The following GNAS-AS1 variants were observed in gnomAD, a reference collection of about 807,000 sequenced individuals.
The protein encoded by GNAS-AS1 is GNAS antisense RNA 1 (non-protein coding).
chr20:58,841,635 T>A lies in GNAS-AS1; in HGVS notation n.819+302A>T. 1 of 1,087,476 alleles carries A rather than the reference T, an allele frequency of 9.2e-7. No homozygotes were observed. Among genetic ancestry groups the A allele is most frequent in the Non-Finnish European group, 1.1e-6 (1 of 896,172 alleles). The allele number at this position is 1,087,476 out of a possible 1,614,324, so 67.4% of individuals were successfully genotyped here. On this transcript the variant is annotated intron_variant and non_coding_transcript_variant, in intron 4 of 4. Transcript: ENST00000424094. This position sits in a 1 kb window ranked among gnomAD's most constrained non-coding sequence, Gnocchi z 5.0. ...CTGCCCGCGCGCGCCGGAGCTGACC[T>A]CTCCCGGCGGCGGGCGGTTAGGGGA...
chr20:58,841,962 G>C lies in GNAS-AS1; in HGVS notation n.794C>G. 1 of 1,112,558 alleles carries C rather than the reference G, an allele frequency of 9.0e-7. No homozygotes were observed. Among genetic ancestry groups the C allele is most frequent in the Non-Finnish European group, 1.1e-6 (1 of 879,044 alleles). The allele number at this position is 1,112,558 out of a possible 1,614,324, so 68.9% of individuals were successfully genotyped here. On this transcript the variant is annotated non_coding_transcript_exon_variant, in exon 4 of 5. Transcript: ENST00000424094. The surrounding 1 kb of genome is among the most constrained non-coding windows in gnomAD (Gnocchi z 5.0). ...AATTCGTTTCCAAAGAGCGCGGTAC[G>C]CGCAGAGCTGGGGAAAGGTGTTGGA...
rs144845382 is a variant in GNAS-AS1, at chr20:58,840,382, C to G, written n.819+1555G>C. On this transcript the variant is annotated intron_variant and non_coding_transcript_variant, in intron 4 of 4. Coordinates refer to ENST00000424094, the Ensembl canonical transcript of GNAS-AS1. This position sits in a 1 kb window ranked among gnomAD's most constrained non-coding sequence, Gnocchi z 6.0. ...CTGACCACGAGCACGAGGAGGCAGA[C>G]CTTGAGCTGTCCCTCCCCGAGTGCC... 1 of 1,613,500 alleles carries G rather than the reference C, an allele frequency of 6.2e-7. No individual in the cohort carries two copies. The highest frequency in any genetic ancestry group is 1.3e-5 in the African/African-American group (1 of 75,046).
At chr20:58,839,290 G>A (rs2085643233) in intron 4 of GNAS-AS1, 1 of 398,494 alleles carries the variant, frequency 2.5e-6, no homozygotes, top group Admixed American at 4.4e-5. Flanking sequence ...ATGATTAATG[G>A]CTGCCCGAAG....
intron 4 of GNAS-AS1, among the ~76,000 whole-genome samples, chr20:58,830,606 TCACCACCACACCAC>T (rs2085561559): frequency 3.3e-5 from 2 of 61,004 alleles, no homozygotes; most frequent in African/African-American, 1.4e-4. Context: ...ACCACCACCA[TCACCACCACACCAC>T]CATCACCACC....
intron 4 of GNAS-AS1, among the ~76,000 whole-genome samples, chr20:58,830,288 A>G (rs2085548722): frequency 3.1e-5 from 4 of 130,664 alleles, no homozygotes; most frequent in Admixed American, 7.5e-5. Flanking sequence ...CCACACCACC[A>G]TCACCACCAC....
intron 4 of GNAS-AS1, chr20:58,838,940 A>AT: frequency 2.5e-6 from 1 of 397,696 alleles, no homozygotes; most frequent in Non-Finnish European, 4.4e-6. Flanking sequence ...AAAAAAAAAA[A>AT]ACCTACCTAG....
Position 58,841,710 on chromosome 20 carries a change from C to T in GNAS-AS1, n.819+227G>A, listed in dbSNP as rs2085737274. ...AGGTAAGGGGACCCTTGGGGATGCC[C>T]CTACGGGCTACCAGGGTTGAACGCA... On this transcript the variant is annotated intron_variant and non_coding_transcript_variant, in intron 4 of 4. Coordinates refer to ENST00000424094, the Ensembl canonical transcript of GNAS-AS1. This position sits in a 1 kb window ranked among gnomAD's most constrained non-coding sequence, Gnocchi z 5.0. The T allele has an allele frequency of 6.6e-6, 8 of 1,216,112 alleles. No individual in the cohort carries two copies. The highest frequency in any genetic ancestry group is 8.2e-6 in the Non-Finnish European group (8 of 978,266). 75.3% of individuals were successfully genotyped at this position (1,216,112 alleles called of 1,614,324 possible).
At chr20:58,846,197 C>T (rs1006173029) in intron 2 of GNAS-AS1, among the ~76,000 whole-genome samples, 1 of 151,972 alleles carries the variant, frequency 6.6e-6, no homozygotes, top group Non-Finnish European at 1.5e-5. Flanking sequence ...GGTCACAAAG[C>T]CAGGAAATTT....
intron 4 of GNAS-AS1, chr20:58,838,965 G>A (rs1348860925): frequency 1.0e-5 from 4 of 397,016 alleles, no homozygotes; most frequent in Non-Finnish European, 1.8e-5. Context: ...TGGCTGTAAG[G>A]GGCCTCCAGT....
At chr20:58,820,800 C>T (rs932658697) in intron 4 of GNAS-AS1, among the ~76,000 whole-genome samples, 6 of 152,210 alleles carry the variant, frequency 3.9e-5, no homozygotes, top group Admixed American at 6.5e-5. Flanking sequence ...TCATGAGACT[C>T]GCTATCATGA....
At chr20:58,828,289 G>A (rs1002250959) in intron 4 of GNAS-AS1, among the ~76,000 whole-genome samples, 10 of 152,228 alleles carry the variant, frequency 6.6e-5, no homozygotes, top group African/African-American at 1.9e-4. Context: ...AGGAGCTGGA[G>A]GAATGTCAGT....
In GNAS-AS1 at chr20:58,822,016, G is replaced by A. The variant is rs185472798; in HGVS notation, n.820-2761C>T. Among the ~76,000 whole-genome samples, 11 of 152,170 alleles carry A rather than the reference G, an allele frequency of 7.2e-5. No individual in the cohort carries two copies. In the East Asian group the frequency reaches 1.7e-3, roughly 24 times the overall value. On this transcript the variant is annotated intron_variant and non_coding_transcript_variant, in intron 4 of 4. Coordinates refer to ENST00000424094, the Ensembl canonical transcript of GNAS-AS1. ...TATCCCGACGAGAATGAGGGAGGCC[G>A]AGGGATGCACAGACGTTAAGTGGCT...
At chr20:58,833,816 G>C (rs543426281) in intron 4 of GNAS-AS1, 1 of 152,282 alleles carries the variant, frequency 6.6e-6, no homozygotes, top group East Asian at 1.9e-4. Flanking sequence ...AAATACCTTA[G>C]AATTCTCTTT....
chr20:58,822,144 A>G (rs1331530368), intron 4 of GNAS-AS1, among the ~76,000 whole-genome samples: 1 of 152,238 alleles, frequency 6.6e-6, no homozygotes, highest in African/African-American at 2.4e-5. Flanking sequence ...CGGCCATTCA[A>G]TGCTCATCCA....
chr20:58,838,912 G>C (rs2085636073), intron 4 of GNAS-AS1: 3 of 289,576 alleles, frequency 1.0e-5, no homozygotes. Flanking sequence ...GCAAGATTCT[G>C]TCTCAAAAAA....
intron 4 of GNAS-AS1, among the ~76,000 whole-genome samples, chr20:58,832,755 T>C (rs1430570712): frequency 6.6e-6 from 1 of 152,358 alleles, no homozygotes; most frequent in East Asian, 1.9e-4. Flanking sequence ...GCTTTTGTTT[T>C]TGTTTTTCTA....
chr20:58,847,564 C>G (rs2145514368), intron 2 of GNAS-AS1, among the ~76,000 whole-genome samples: 1 of 152,350 alleles, frequency 6.6e-6, no homozygotes, highest in Admixed American at 6.5e-5. Flanking sequence ...TCTACCTTCT[C>G]TTTCTGCTTT....
chr20:58,839,352 C>T (rs1261289358), intron 4 of GNAS-AS1: 1 of 398,670 alleles, frequency 2.5e-6, no homozygotes, highest in Admixed American at 4.4e-5. Context: ...GCTTAATACT[C>T]GTGTATAGAC....
At chr20:58,849,179 C>T (rs1349112562) in intron 1 of GNAS-AS1, among the ~76,000 whole-genome samples, 1 of 152,064 alleles carries the variant, frequency 6.6e-6, no homozygotes, top group African/African-American at 2.4e-5. Flanking sequence ...AGGGATGCTG[C>T]TCAACATCCT....
Sources: allele counts gnomAD v4.1 joint callset (sites outside exome capture counted in the v4.1 genomes callset), GRCh38; gene constraint gnomAD v4.1.1; non-coding constraint Gnocchi (gnomAD v3.1); transcripts MANE v1.5; gene names NCBI Gene and HGNC (gene_info 2026-07-23, HGNC 2026-07-21).